The following PLD5 variants were observed in gnomAD, a reference collection of about 807,000 sequenced individuals.
PLD5 encodes inactive phospholipase D5.
A neutral mutation model predicts 61.1 loss-of-function variants in PLD5; 36 were observed. That is an observed-to-expected ratio of 0.59 (90% CI 0.45 to 0.78). The LOEUF (loss-of-function observed/expected upper bound fraction) is 0.78, where lower values mean the gene tolerates loss of function less well. PLD5 is among the 30% of genes least tolerant of loss of function. The pLI is 0.00. For missense variants in PLD5, 515 were observed against 644.4 expected, an observed-to-expected ratio of 0.80 and a Z score of 2.17; for synonymous variants, 243 against 242.8, an observed-to-expected ratio of 1.00 and a Z score of -0.01.
At chr1:242,251,116 G>A (rs1223663022) in intron 4 of PLD5, among the ~76,000 whole-genome samples, 1 of 152,182 alleles carries the variant, frequency 6.6e-6, no homozygotes, top group Non-Finnish European at 1.5e-5. Flanking sequence ...TTGATTTTGA[G>A]GTATTCCGTG....
intron 3 of PLD5, among the ~76,000 whole-genome samples, chr1:242,276,777 G>A (rs1202606218): frequency 6.6e-6 from 1 of 151,980 alleles, no homozygotes; most frequent in Non-Finnish European, 1.5e-5. Flanking sequence ...GAAACCAGTG[G>A]AGAGTATCTG....
At chr1:242,324,456 A>G (rs1259010537) in intron 2 of PLD5, among the ~76,000 whole-genome samples, 11 of 152,210 alleles carry the variant, frequency 7.2e-5, no homozygotes, top group Admixed American at 5.9e-4. Context: ...AATATGACCT[A>G]ACCGACTCTA....
In PLD5 at chr1:242,124,417, G is replaced by C. The variant is rs746091574; in HGVS notation, c.933+51C>G. The C allele has an allele frequency of 3.9e-6, 6 of 1,537,746 alleles. No individual in the cohort carries two copies. In the South Asian group the frequency reaches 6.9e-5, roughly 18 times the overall value. ...CACTTAAACATTCCAACTTAATAAA[G>C]AGCCTTTGGAGGAAGAAGGAGAAGG... On this transcript the variant is annotated intron_variant, in intron 6 of 9. Coordinates refer to ENST00000536534, the MANE Select transcript of PLD5 (RefSeq NM_001372062.1).
chr1:242,261,019 G>A (rs1334405805), intron 4 of PLD5, among the ~76,000 whole-genome samples: 17 of 152,194 alleles, frequency 1.1e-4, no homozygotes. Context: ...AATTTCAGTA[G>A]TTTTATGATA....
chr1:242,288,322 C>A, intron 3 of PLD5, 40 bp downstream of exon 3: 1 of 1,587,950 alleles, frequency 6.3e-7, no homozygotes, highest in Non-Finnish European at 8.5e-7. Flanking sequence ...GGAAAATGCA[C>A]ATAAGTAAAA....
intron 1 of PLD5, among the ~76,000 whole-genome samples, chr1:242,522,657 A>G (rs890095115): frequency 6.6e-6 from 1 of 152,226 alleles, no homozygotes; most frequent in Non-Finnish European, 1.5e-5. Context: ...GGTTGATTAC[A>G]TGCTCTTTGC....
intron 1 of PLD5, among the ~76,000 whole-genome samples, chr1:242,452,332 G>A (rs1219182693): frequency 6.6e-6 from 1 of 151,956 alleles, no homozygotes; most frequent in Non-Finnish European, 1.5e-5. Context: ...AAATTGTTTG[G>A]CACTTTTATT....
chr1:242,383,400 CA>C (rs1662415523), intron 1 of PLD5, among the ~76,000 whole-genome samples: 1 of 151,924 alleles, frequency 6.6e-6, no homozygotes, highest in African/African-American at 2.4e-5. Flanking sequence ...ATTTTTATAT[CA>C]AAACCCCTTT....
intron 6 of PLD5, among the ~76,000 whole-genome samples, chr1:242,119,467 A>G (rs1662202353): frequency 6.6e-6 from 1 of 152,222 alleles, no homozygotes; most frequent in African/African-American, 2.4e-5. Flanking sequence ...GGACTTGTAT[A>G]CAGACTGTAT....
At chr1:242,124,435 G>A (rs1160633972) in intron 6 of PLD5, 33 bp downstream of exon 6, 2 of 1,587,888 alleles carry the variant, frequency 1.3e-6, no homozygotes, top group African/African-American at 2.7e-5. Flanking sequence ...GGAGGAAGAA[G>A]GAGAAGGGGA....
chr1:242,220,096 C>T lies in PLD5; in HGVS notation c.627G>A (p.Met209Ile). 1.2e-6 allele frequency: 2 copies of T among 1,614,154 alleles called. No individual in the cohort carries two copies. The highest frequency in any genetic ancestry group is 1.1e-5 in the South Asian group (1 of 91,064). Residue 209 changes from methionine to isoleucine, a missense_variant, in exon 5 of 10, where the codon ATG (methionine) becomes ATA (isoleucine). Around this residue, in one of 2 missense-constraint regions of PLD5, gnomAD observed 450 missense variants for 598.1 expected, o/e 0.75. Transcript: ENST00000536534. ...GGCCCTTGTTGTAAGCGGTCATGTTCATGTACGTCACCTCGGCTCCTAGGA... is the reference window on the plus strand; with the variant it reads ...GGCCCTTGTTGTAAGCGGTCATGTTTATGTACGTCACCTCGGCTCCTAGGA... ...LKLKGAEVTY[M>I]NMTAYNKGRL...
chr1:242,098,293 G>A (rs199593829), intron 9 of PLD5, among the ~76,000 whole-genome samples: 13 of 151,990 alleles, frequency 8.6e-5, no homozygotes, highest in East Asian at 5.8e-4. Context: ...TTCTCTTCTC[G>A]CTTCATTTCA....
At chr1:242,455,384 G>A (rs754153797) in intron 1 of PLD5, among the ~76,000 whole-genome samples, 1 of 152,046 alleles carries the variant, frequency 6.6e-6, no homozygotes, top group Non-Finnish European at 1.5e-5. Context: ...CAATTTTTTT[G>A]ACATAAAGGA....
intron 5 of PLD5, among the ~76,000 whole-genome samples, chr1:242,163,927 A>ATG (rs140910558): frequency 0.062 from 9,378 of 151,962 alleles, 1,012 homozygotes; most frequent in African/African-American, 0.21. Context: ...GTGTGTGTAT[A>ATG]TATATACATT....
At chr1:242,246,701 T>G (rs1418827261) in intron 4 of PLD5, among the ~76,000 whole-genome samples, 1 of 152,200 alleles carries the variant, frequency 6.6e-6, no homozygotes, top group Non-Finnish European at 1.5e-5. Flanking sequence ...TTGTTGGTGG[T>G]GTTCACAGGA....
chr1:242,393,640 GTATA>G (rs1167305253), intron 1 of PLD5, among the ~76,000 whole-genome samples: 1 of 100,944 alleles, frequency 9.9e-6, no homozygotes, highest in South Asian at 3.7e-4. Context: ...ATATATATGT[GTATA>G]TATATGAGTA....
intron 9 of PLD5, among the ~76,000 whole-genome samples, chr1:242,094,021 G>T (rs1047828944): frequency 6.6e-6 from 1 of 151,972 alleles, no homozygotes; most frequent in African/African-American, 2.4e-5. Flanking sequence ...CTGCACCTTT[G>T]TGATCATGCT....
intron 5 of PLD5, among the ~76,000 whole-genome samples, chr1:242,132,192 C>CGGCGG (rs57596101): frequency 9.5e-5 from 2 of 21,078 alleles, no homozygotes; most frequent in African/African-American, 4.0e-4. Flanking sequence ...GCAGTGATTG[C>CGGCGG]GGGGGGGGGG....
chr1:242,224,733 A>C (rs1670818625), intron 4 of PLD5, among the ~76,000 whole-genome samples: 1 of 152,252 alleles, frequency 6.6e-6, no homozygotes. Context: ...ATTACCAAAT[A>C]GTTAATATGT....
Sources: allele counts gnomAD v4.1 joint callset (sites outside exome capture counted in the v4.1 genomes callset), GRCh38; gene constraint gnomAD v4.1.1; regional missense constraint gnomAD v4.1.1; transcripts MANE v1.5; gene names NCBI Gene and HGNC (gene_info 2026-07-23, HGNC 2026-07-21).